The following SLCO5A1 variants were observed in gnomAD, a reference collection of about 807,000 sequenced individuals.
SLCO5A1 encodes solute carrier organic anion transporter family member 5A1, also known as organic anion transporter polypeptide-related protein 4.
Under a neutral mutation model 65.1 loss-of-function variants are expected in SLCO5A1, and 39 were observed. The ratio of observed to expected loss-of-function variants is 0.60; its 90% CI spans 0.46 to 0.78. SLCO5A1 has a LOEUF of 0.78. Ranked by LOEUF, SLCO5A1 falls within the 30% of genes least tolerant of loss-of-function variation. SLCO5A1 has a pLI of 0.00. For synonymous variants in SLCO5A1, 438 were observed against 415.7 expected (o/e 1.05, Z -0.65); for missense variants, 1,029 against 1,069.4 (o/e 0.96, Z 0.53).
chr8:69,825,507 C>T (rs1432454461), intron 2 of SLCO5A1, among the ~76,000 whole-genome samples: 1 of 152,166 alleles, frequency 6.6e-6, no homozygotes, highest in African/African-American at 2.4e-5. Flanking sequence ...AGAGCCAAAT[C>T]ATGAGTGAAC....
intron 6 of SLCO5A1, among the ~76,000 whole-genome samples, chr8:69,685,977 A>G (rs955489482): frequency 6.6e-6 from 1 of 152,170 alleles, no homozygotes; most frequent in Non-Finnish European, 1.5e-5. Context: ...GTGGCCCTCA[A>G]AAATCACATT....
At chr8:69,754,917 G>A (rs1484054607) in intron 4 of SLCO5A1, among the ~76,000 whole-genome samples, 1 of 152,106 alleles carries the variant, frequency 6.6e-6, no homozygotes, top group Non-Finnish European at 1.5e-5. Context: ...CTTTCTAGTG[G>A]TAGGTATTAT....
Position 69,679,456 on chromosome 8 carries a change from A to T in SLCO5A1, c.1946T>A (p.Ile649Asn). ...GKCKRTCNTLIPFLVFLFIVT... is the reference protein window; with the variant it reads ...GKCKRTCNTLNPFLVFLFIVT... ...TATGAAAAGAAAAACTAAGAATGGG[A>T]TAAGAGTATTGCAGGTCCGTTTACA... Residue 649 changes from isoleucine to asparagine, a missense_variant, in exon 8 of 10, where the codon ATC becomes AAC. This residue lies in a region of SLCO5A1 where 124 missense variants were observed against 184.5 expected (regional missense o/e 0.67). Coordinates refer to ENST00000260126, the MANE Select transcript of SLCO5A1 (RefSeq NM_030958.3). 1.9e-6 allele frequency: 3 copies of T among 1,614,212 alleles called. No individual in the cohort carries two copies. The highest frequency in any genetic ancestry group is 2.5e-6 in the Non-Finnish European group (3 of 1,180,038).
rs1813219176 is a variant in SLCO5A1, at chr8:69,667,599, T to C, written c.*5270A>G. Reference sequence around the variant, plus strand: ...TCACCCCTTTGGTTTAATGTGTCCCTGCAATTACTTTAGTTTCAATAATAT... The same window carrying C: ...TCACCCCTTTGGTTTAATGTGTCCCCGCAATTACTTTAGTTTCAATAATAT... On this transcript the variant is annotated 3_prime_UTR_variant, in exon 10 of 10. Coordinates refer to ENST00000260126, the MANE Select transcript of SLCO5A1 (RefSeq NM_030958.3). The C allele has an allele frequency of 6.6e-6, 1 of 152,232 alleles. No individual in the cohort carries two copies. Among genetic ancestry groups the C allele is most frequent in the South Asian group, 2.1e-4 (1 of 4,834 alleles). 9.4% of individuals were successfully genotyped at this position (152,232 alleles called of 1,614,324 possible). A position where few individuals can be genotyped will look rare whatever the true frequency, so the allele number is the denominator to read the frequency against.
At position 69,671,637 on chromosome 8, in the gene SLCO5A1, T is replaced by A. The variant is rs1230948416; in HGVS notation, c.*1232A>T. On this transcript the variant is annotated 3_prime_UTR_variant, in exon 10 of 10. Coordinates refer to ENST00000260126, the MANE Select transcript of SLCO5A1 (RefSeq NM_030958.3). The stretch of plus-strand genomic sequence containing the variant: ...GGAACAGAAAAATCCTCTCTCAGAA[T>A]CACTGCCAGAAACTTACAGTAAGGG... 2 of 152,200 alleles carry A rather than the reference T, an allele frequency of 1.3e-5. No individual in the cohort carries two copies. The highest frequency in any genetic ancestry group is 2.9e-5 in the Non-Finnish European group (2 of 68,034). 9.4% of individuals were successfully genotyped at this position (152,200 alleles called of 1,614,324 possible). A position where few individuals can be genotyped will look rare whatever the true frequency, so the allele number is the denominator to read the frequency against.
chr8:69,772,905 C>T (rs909145481), intron 2 of SLCO5A1: 4 of 984,916 alleles, frequency 4.1e-6, no homozygotes, highest in Middle Eastern at 5.2e-4. Context: ...CCAGGAAAGA[C>T]ACATGTAAAA....
intron 5 of SLCO5A1, among the ~76,000 whole-genome samples, chr8:69,714,479 T>A (rs2130819937): frequency 6.6e-6 from 1 of 152,274 alleles, no homozygotes; most frequent in African/African-American, 2.4e-5. Flanking sequence ...GCTGGGGGGA[T>A]AGCTCGCCTG....
intron 1 of SLCO5A1, 73 bp downstream of exon 1, chr8:69,834,767 CACACACACACACAG>C (rs1821350840): frequency 7.9e-6 from 1 of 127,288 alleles, no homozygotes; most frequent in African/African-American, 3.0e-5. Context: ...CACACACACA[CACACACACACACAG>C]AGCCCGTGGG....
chr8:69,779,053 CAG>C (rs908909757), intron 2 of SLCO5A1, among the ~76,000 whole-genome samples: 3 of 152,144 alleles, frequency 2.0e-5, no homozygotes, highest in Admixed American at 1.3e-4. Context: ...ACCAAAATGG[CAG>C]AGTTGAGCGA....
chr8:69,679,020 C>A (rs1487687412), intron 8 of SLCO5A1, among the ~76,000 whole-genome samples: 2 of 152,208 alleles, frequency 1.3e-5, no homozygotes, highest in Non-Finnish European at 2.9e-5. Flanking sequence ...ACTTCCTGCC[C>A]TCCTCTGGGG....
chr8:69,787,420 G>A (rs1819079330), intron 2 of SLCO5A1, among the ~76,000 whole-genome samples: 1 of 152,204 alleles, frequency 6.6e-6, no homozygotes, highest in South Asian at 2.1e-4. Context: ...CCATGGTAAT[G>A]AATCAAGGTT....
At chr8:69,791,647 G>C (rs573802738) in intron 2 of SLCO5A1, among the ~76,000 whole-genome samples, 138 of 152,344 alleles carry the variant, frequency 9.1e-4, no homozygotes, top group Admixed American at 2.8e-3. Flanking sequence ...TGAGATCATG[G>C]AGACGACTGA....
intron 4 of SLCO5A1, among the ~76,000 whole-genome samples, chr8:69,743,506 T>C (rs1038357948): frequency 1.3e-5 from 2 of 152,140 alleles, no homozygotes; most frequent in African/African-American, 4.8e-5. Context: ...AGGTCTTTAT[T>C]TGGATGAGCA....
At chr8:69,697,364 T>C (rs892208889) in intron 6 of SLCO5A1, among the ~76,000 whole-genome samples, 2 of 152,156 alleles carry the variant, frequency 1.3e-5, no homozygotes, top group African/African-American at 4.8e-5. Context: ...CACTCCTGCC[T>C]GGGCGACAGA....
chr8:69,748,306 C>T (rs1817131191), intron 4 of SLCO5A1, among the ~76,000 whole-genome samples: 1 of 152,156 alleles, frequency 6.6e-6, no homozygotes, highest in Non-Finnish European at 1.5e-5. Flanking sequence ...TGAGTATGTT[C>T]ACATATCTTT....
At chr8:69,781,731 C>A (rs1437238268) in intron 2 of SLCO5A1, among the ~76,000 whole-genome samples, 1 of 152,060 alleles carries the variant, frequency 6.6e-6, no homozygotes, top group Non-Finnish European at 1.5e-5. Flanking sequence ...GATCTCGGCT[C>A]ATCACAACCT....
chr8:69,710,811 C>T (rs1473406193), intron 5 of SLCO5A1, among the ~76,000 whole-genome samples: 4 of 152,088 alleles, frequency 2.6e-5, no homozygotes, highest in Non-Finnish European at 5.9e-5. Flanking sequence ...GAGTGAAGAC[C>T]CATGAAAATG....
chr8:69,711,346 GC>G (rs1188923419), intron 5 of SLCO5A1, among the ~76,000 whole-genome samples: 1 of 152,142 alleles, frequency 6.6e-6, no homozygotes, highest in Non-Finnish European at 1.5e-5. Flanking sequence ...CTGCGCCTCT[GC>G]CCCGACCCTG....
chr8:69,745,667 C>A (rs767565554), intron 4 of SLCO5A1, among the ~76,000 whole-genome samples: 1 of 152,056 alleles, frequency 6.6e-6, no homozygotes, highest in Non-Finnish European at 1.5e-5. Context: ...GTAGCCCAGG[C>A]AGTTTATTTT....
Sources: gnomAD v4.1 joint callset for allele counts (sites outside exome capture counted in the v4.1 genomes callset) on GRCh38, gnomAD v4.1.1 for gene constraint, gnomAD v4.1.1 regional missense constraint, MANE v1.5 for transcripts, NCBI Gene and HGNC (gene_info 2026-07-23, HGNC 2026-07-21) for gene names.